Variants in DNAJB9 observed in about 807,000 individuals in gnomAD.
DNAJB9 encodes dnaJ homolog subfamily B member 9.
Under a neutral mutation model 19.2 loss-of-function variants are expected in DNAJB9, and 12 were observed. That is an observed-to-expected ratio of 0.62 (90% CI 0.40 to 1.01). The LOEUF is 1.01. DNAJB9 is among the 50% of genes least tolerant of loss of function. The pLI is 0.00. For synonymous variants in DNAJB9, 83 were observed against 84.0 expected (o/e 0.99, Z 0.07); for missense variants, 272 against 261.1 (o/e 1.04, Z -0.29).
rs781605953 is a variant in DNAJB9, at chr7:108,572,986, G to A, written c.305G>A (p.Gly102Asp). 6.2e-7 allele frequency: 1 copy of A among 1,614,046 alleles called. No homozygotes were observed. Among genetic ancestry groups the A allele is most frequent in the Admixed American group, 1.7e-5 (1 of 60,022 alleles). The stretch of plus-strand genomic sequence containing the variant: ...TTTACTAGTGGTAAAGGACAAAGAG[G>A]TAGTGGAAGTTCTTTTGAGCAGTCA... ...SAFTSGKGQRGSGSSFEQSFN... is the reference protein window; with the variant it reads ...SAFTSGKGQRDSGSSFEQSFN... The change falls in exon 3 of 3, where the codon GGT (glycine) becomes GAT (aspartate). Residue 102 changes from glycine (G) to aspartate (D), a missense_variant. By Grantham distance (94) the Gly-to-Asp change is moderately conservative (BLOSUM62 -1). Transcript: ENST00000249356.
In DNAJB9 at chr7:108,573,268, T is replaced by G; in HGVS notation, c.587T>G (p.Phe196Cys). 6.2e-7 allele frequency: 1 copy of G among 1,613,910 alleles called. No individual in the cohort carries two copies. The highest frequency in any genetic ancestry group is 8.5e-7 in the Non-Finnish European group (1 of 1,179,868). ...NQHTVQTENR[F>C]HGSSKHCRTV... ...CATACAGTACAGACTGAAAATAGATTTCATGGATCTAGCAAGCACTGCAGG... is the reference window on the plus strand; with the variant it reads ...CATACAGTACAGACTGAAAATAGATGTCATGGATCTAGCAAGCACTGCAGG... Residue 196 changes from phenylalanine to cysteine, a missense_variant, in exon 3 of 3, where the codon TTT (phenylalanine) becomes TGT (cysteine). Phe to Cys is a radical substitution (Grantham distance 205). Transcript: ENST00000249356.
chr7:108,570,423 G>T (rs1307403938), intron 1 of DNAJB9, among the ~76,000 whole-genome samples: 1 of 152,144 alleles, frequency 6.6e-6, no homozygotes, highest in Non-Finnish European at 1.5e-5. Context: ...CGCCCACCGA[G>T]GCTGGGGAAT....
At chr7:108,572,756 A>G (rs1790639626) in intron 2 of DNAJB9, 143 bp from the exon 3 acceptor site, 2 of 647,596 alleles carry the variant, frequency 3.1e-6, no homozygotes, top group Non-Finnish European at 5.1e-6. Context: ...TGATGCTTAT[A>G]TTTGTAGTGT....
chr7:108,570,889 A>G (rs1328303030), intron 1 of DNAJB9, among the ~76,000 whole-genome samples: 2 of 152,210 alleles, frequency 1.3e-5, no homozygotes, highest in African/African-American at 2.4e-5. Flanking sequence ...TTGAATCTCA[A>G]GTCATTGAAT....
At position 108,570,024 on chromosome 7, in the gene DNAJB9, C is replaced by T. The variant is rs1291055435; in HGVS notation, c.-90C>T. The T allele has an allele frequency of 1.0e-5, 2 of 199,852 alleles. No homozygotes were observed. The highest frequency in any genetic ancestry group is 4.6e-5 in the African/African-American group (2 of 43,084). The allele number at this position is 199,852 out of a possible 1,614,324, so 12.4% of individuals were successfully genotyped here. ...GGAGGCCGCGGTGAGGGGCCGGGCC[C>T]AAGCTGCCGACCCGAGCCGATCGTC... On this transcript the variant is annotated 5_prime_UTR_variant, in exon 1 of 3. Transcript: ENST00000249356.
At chr7:108,572,208 G>A (rs1413904226) in intron 2 of DNAJB9, 1 of 287,742 alleles carries the variant, frequency 3.5e-6, no homozygotes, top group East Asian at 6.5e-5. Flanking sequence ...TAAGATCACT[G>A]TTGCTTCTAT....
At position 108,573,406 on chromosome 7, in the gene DNAJB9, T is replaced by C; in HGVS notation, c.*53T>C. Reference sequence around the variant, plus strand: ...CTGGTTGACTCTTCCTCATTATCTTTGATGCTAAACAATTTTCTGTGAACT... The same window carrying C: ...CTGGTTGACTCTTCCTCATTATCTTCGATGCTAAACAATTTTCTGTGAACT... On this transcript the variant is annotated 3_prime_UTR_variant, in exon 3 of 3. Coordinates refer to ENST00000249356, the MANE Select transcript of DNAJB9 (RefSeq NM_012328.3). The C allele has an allele frequency of 7.5e-7, 1 of 1,341,856 alleles. No individual in the cohort carries two copies. The highest frequency in any genetic ancestry group is 9.9e-7 in the Non-Finnish European group (1 of 1,010,050). 83.1% of individuals were successfully genotyped at this position (1,341,856 alleles called of 1,614,324 possible). A position where few individuals can be genotyped will look rare whatever the true frequency, so the allele number is the denominator to read the frequency against.
chr7:108,573,855 A>G lies in DNAJB9; in HGVS notation c.*502A>G, dbSNP rs1790660070. ...AGTATCTTGGTTAATTGCTACTGAA[A>G]GGTTGAGAAAGGAATGGTTTGATAT... On this transcript the variant is annotated 3_prime_UTR_variant, in exon 3 of 3. Transcript: ENST00000249356. 6.5e-6 allele frequency: 1 copy of G among 152,706 alleles called. No individual in the cohort carries two copies. The highest frequency in any genetic ancestry group is 1.5e-5 in the Non-Finnish European group (1 of 68,120). 9.5% of individuals were successfully genotyped at this position (152,706 alleles called of 1,614,324 possible). A position where few individuals can be genotyped will look rare whatever the true frequency, so the allele number is the denominator to read the frequency against.
Position 108,573,169 on chromosome 7 carries a change from G to C in DNAJB9, c.488G>C (p.Gly163Ala). Reference protein sequence around the residue: ...RHHFQEFSFGGGLFDDMFEDM... With the variant: ...RHHFQEFSFGAGLFDDMFEDM... ...CATTTCCAAGAATTTTCTTTTGGAG[G>C]TGGATTATTTGATGACATGTTTGAA... The change falls in exon 3 of 3, where the codon GGT (glycine) becomes GCT (alanine). Residue 163 changes from glycine to alanine, a missense_variant. Gly to Ala is a moderately conservative substitution (Grantham distance 60). Coordinates refer to ENST00000249356, the MANE Select transcript of DNAJB9 (RefSeq NM_012328.3). The C allele has an allele frequency of 6.2e-7, 1 of 1,614,022 alleles. No homozygotes were observed. The highest frequency in any genetic ancestry group is 8.5e-7 in the Non-Finnish European group (1 of 1,179,920).
In DNAJB9 at chr7:108,571,753, C is replaced by G; in HGVS notation, c.27C>G (p.Ile9Met). MATPQSIF[I>M]FAICILMITE... ...TGGCTACTCCCCAGTCAATTTTCAT[C>G]TTTGCAATCTGCATTTTAATGATAA... Residue 9 changes from isoleucine to methionine, a missense_variant, in exon 2 of 3, where the codon ATC becomes ATG. Coordinates refer to ENST00000249356, the MANE Select transcript of DNAJB9 (RefSeq NM_012328.3). 6.2e-7 allele frequency: 1 copy of G among 1,613,868 alleles called. No individual in the cohort carries two copies. Among genetic ancestry groups the G allele is most frequent in the Non-Finnish European group, 8.5e-7 (1 of 1,179,902 alleles).
intron 1 of DNAJB9, among the ~76,000 whole-genome samples, chr7:108,570,404 T>A (rs1408471602): frequency 6.6e-6 from 1 of 151,508 alleles, no homozygotes; most frequent in Non-Finnish European, 1.5e-5. Flanking sequence ...TTGGAGGGTC[T>A]AGCCCAGCCG....
chr7:108,573,554 G>A lies in DNAJB9; in HGVS notation c.*201G>A. ...TAGACAAAATGCTAATTATTTCCCT[G>A]ATTAGGAAAGTTTCTTTAAAAAACA... is the stretch of plus-strand genomic sequence containing the variant. On this transcript the variant is annotated 3_prime_UTR_variant, in exon 3 of 3. Coordinates refer to ENST00000249356, the MANE Select transcript of DNAJB9 (RefSeq NM_012328.3). 2.5e-6 allele frequency: 1 copy of A among 399,814 alleles called. No homozygotes were observed. The highest frequency in any genetic ancestry group is 4.3e-6 in the Non-Finnish European group (1 of 230,806). 24.8% of individuals were successfully genotyped at this position (399,814 alleles called of 1,614,324 possible). A position where few individuals can be genotyped will look rare whatever the true frequency, so the allele number is the denominator to read the frequency against.
rs1163058188 is a variant in DNAJB9, at chr7:108,574,216, A to T, written c.*863A>T. The T allele has an allele frequency of 6.6e-6, 1 of 152,596 alleles. No homozygotes were observed. Among genetic ancestry groups the T allele is most frequent in the Admixed American group, 6.5e-5 (1 of 15,270 alleles). The allele number at this position is 152,596 out of a possible 1,614,324, so 9.5% of individuals were successfully genotyped here. ...AAAACCAGCCAGTAATTTCTGTGCA[A>T]CCTTACTATGTGCAATATTTTTAAA... On this transcript the variant is annotated 3_prime_UTR_variant, in exon 3 of 3. Coordinates refer to ENST00000249356, the MANE Select transcript of DNAJB9 (RefSeq NM_012328.3).
At position 108,571,934 on chromosome 7, in the gene DNAJB9, A is replaced by G; in HGVS notation, c.208A>G (p.Ile70Val). Residue 70 changes from isoleucine (I) to valine (V), a missense_variant, in exon 2 of 3, where the codon ATT becomes GTT. By Grantham distance (29) the Ile-to-Val change is conservative (BLOSUM62 3). Coordinates refer to ENST00000249356, the MANE Select transcript of DNAJB9 (RefSeq NM_012328.3). ...GGATGCTGAAGCAAAATTCAGAGAG[A>G]TTGCAGAAGGTAAATAAATGACAAT... Reference protein sequence around the residue: ...SPDAEAKFREIAEAYETLSDA... With the variant: ...SPDAEAKFREVAEAYETLSDA... 6.2e-7 allele frequency: 1 copy of G among 1,614,070 alleles called. No homozygotes were observed. Among genetic ancestry groups the G allele is most frequent in the South Asian group, 1.1e-5 (1 of 91,076 alleles).
chr7:108,570,953 G>T (rs1284195633), intron 1 of DNAJB9, among the ~76,000 whole-genome samples: 2 of 152,196 alleles, frequency 1.3e-5, no homozygotes, highest in East Asian at 1.9e-4. Context: ...AAAGGTAAAA[G>T]AAATATTTTA....
At position 108,571,730 on chromosome 7, in the gene DNAJB9, G is replaced by T. The variant is rs61749953; in HGVS notation, c.4G>T (p.Ala2Ser). 1.2e-6 allele frequency: 2 copies of T among 1,612,724 alleles called. No homozygotes were observed. Among genetic ancestry groups the T allele is most frequent in the African/African-American group, 2.7e-5 (2 of 74,872 alleles). M[A>S]TPQSIFIFAI... ...TTTCTGTTTTAGGATATTAGAAATG[G>T]CTACTCCCCAGTCAATTTTCATCTT... The change falls in exon 2 of 3, where the codon GCT (alanine) becomes TCT (serine). Residue 2 changes from alanine (A) to serine (S), a missense_variant. Coordinates refer to ENST00000249356, the MANE Select transcript of DNAJB9 (RefSeq NM_012328.3).
intron 1 of DNAJB9, among the ~76,000 whole-genome samples, chr7:108,571,373 CTTATA>C (rs1305738203): frequency 1.3e-5 from 2 of 149,654 alleles, no homozygotes; most frequent in Non-Finnish European, 3.0e-5. Context: ...AAGTTGGGAT[CTTATA>C]TTATTTGGTT....
Position 108,570,076 on chromosome 7 carries a change from G to A in DNAJB9, c.-38G>A. 5.5e-6 allele frequency: 1 copy of A among 182,636 alleles called. No individual in the cohort carries two copies. Among genetic ancestry groups the A allele is most frequent in the East Asian group, 1.4e-4 (1 of 7,372 alleles). 11.3% of individuals were successfully genotyped at this position (182,636 alleles called of 1,614,324 possible). ...GGGTCGCCAGCGCCTCAGCTCTGTG[G>A]AGGAGCAGCAGTAGTCGGAGGGTGC... On this transcript the variant is annotated 5_prime_UTR_variant, in exon 1 of 3. Transcript: ENST00000249356.
chr7:108,573,372 T>C lies in DNAJB9; in HGVS notation c.*19T>C, dbSNP rs753446787. 9.5e-6 allele frequency: 14 copies of C among 1,478,576 alleles called. No homozygotes were observed. The South Asian group carries it at 2.0e-4, about 21-fold the overall frequency. 91.6% of individuals were successfully genotyped at this position (1,478,576 alleles called of 1,614,324 possible). ...ACAGTAGTTCTTATTCTATTCTCAC[T>C]AAATCCAACTGGTTGACTCTTCCTC... is the stretch of plus-strand genomic sequence containing the variant. On this transcript the variant is annotated 3_prime_UTR_variant, in exon 3 of 3. Coordinates refer to ENST00000249356, the MANE Select transcript of DNAJB9 (RefSeq NM_012328.3).
Sources: gnomAD v4.1 joint callset for allele counts (sites outside exome capture counted in the v4.1 genomes callset) on GRCh38, gnomAD v4.1.1 for gene constraint, MANE v1.5 for transcripts, NCBI Gene and HGNC (gene_info 2026-07-23, HGNC 2026-07-21) for gene names.